AP1G1: variants seen among roughly 807,000 people sequenced by gnomAD.
The protein encoded by AP1G1 is AP-1 complex subunit gamma-1.
In AP1G1, 7 loss-of-function variants were observed where a neutral mutation model predicts 108.3. The observed-to-expected ratio is 0.06, with a 90% confidence interval of 0.04 to 0.12. The LOEUF (loss-of-function observed/expected upper bound fraction) is 0.12, where lower values mean the gene tolerates loss of function less well. Ranked by LOEUF, AP1G1 falls within the 10% of genes least tolerant of loss-of-function variation. The pLI is 1.00. For missense variants in AP1G1, 756 were observed against 1,010.7 expected (o/e 0.75, Z 3.42); for synonymous variants, 379 against 353.5 (o/e 1.07, Z -0.81).
chr16:71,785,131 T>C (rs942388324), intron 2 of AP1G1, among the ~76,000 whole-genome samples: 4 of 151,836 alleles, frequency 2.6e-5, no homozygotes, highest in Non-Finnish European at 5.9e-5. Flanking sequence ...ACTTTACACT[T>C]ACAGCACATC....
intron 2 of AP1G1, among the ~76,000 whole-genome samples, chr16:71,782,383 C>T (rs957519995): frequency 5.3e-5 from 8 of 151,758 alleles, no homozygotes; most frequent in Admixed American, 5.3e-4. Flanking sequence ...AGGCTGGTCT[C>T]GAACTCCTGA....
Position 71,731,476 on chromosome 16 carries a change from T to C in AP1G1, c.*1582A>G, listed in dbSNP as rs529531951. 1.3e-5 allele frequency: 2 copies of C among 152,654 alleles called. No homozygotes were observed. The highest frequency in any genetic ancestry group is 2.1e-4 in the South Asian group (1 of 4,828). The allele number at this position is 152,654 out of a possible 1,614,324, so 9.5% of individuals were successfully genotyped here. A position where few individuals can be genotyped will look rare whatever the true frequency, so the allele number is the denominator to read the frequency against. ...TTTAAGATTGAAGCCATAGTAGTCATTATACTGTATTCAATACAGTAACAA... is the reference window on the plus strand; with the variant it reads ...TTTAAGATTGAAGCCATAGTAGTCACTATACTGTATTCAATACAGTAACAA... On this transcript the variant is annotated 3_prime_UTR_variant, in exon 23 of 23. Coordinates refer to ENST00000299980, the MANE Select transcript of AP1G1 (RefSeq NM_001128.6).
intron 6 of AP1G1, chr16:71,767,917 AG>A (rs755771392): frequency 2.5e-6 from 4 of 1,598,032 alleles, no homozygotes; most frequent in Non-Finnish European, 3.4e-6. Context: ...AACAGACAAC[AG>A]GAACAAAACA....
intron 15 of AP1G1, 101 bp from the exon 16 acceptor site, chr16:71,748,479 T>C: frequency 1.5e-6 from 2 of 1,334,888 alleles, no homozygotes; most frequent in Non-Finnish European, 2.0e-6. Context: ...AAGACAATCC[T>C]ACCGTTACAA....
intron 21 of AP1G1, among the ~76,000 whole-genome samples, chr16:71,737,575 G>A (rs1187305646): frequency 2.6e-5 from 4 of 152,228 alleles, no homozygotes; most frequent in African/African-American, 4.8e-5. Flanking sequence ...GTGAGATACC[G>A]TGTCCAGCTA....
intron 10 of AP1G1, among the ~76,000 whole-genome samples, chr16:71,759,225 G>A (rs968376844): frequency 6.6e-6 from 1 of 151,782 alleles, no homozygotes; most frequent in African/African-American, 2.4e-5. Flanking sequence ...GTGGGAGGCC[G>A]AGGCAGGTGG....
chr16:71,734,809 G>C (rs2045513649), intron 21 of AP1G1, 102 bp from the exon 22 acceptor site: 8 of 889,210 alleles, frequency 9.0e-6, no homozygotes, highest in Non-Finnish European at 1.5e-5. Context: ...TCAAGCAACA[G>C]ATTTCACTAC....
intron 21 of AP1G1, among the ~76,000 whole-genome samples, chr16:71,737,673 A>T (rs1205801921): frequency 2.0e-5 from 3 of 152,236 alleles, no homozygotes; most frequent in Non-Finnish European, 4.4e-5. Context: ...GGGAAAAAAT[A>T]AAAAAAGACT....
In AP1G1 at chr16:71,732,164, G is replaced by A. The variant is rs2045481183; in HGVS notation, c.*894C>T. 6.6e-6 allele frequency: 1 copy of A among 152,224 alleles called. No homozygotes were observed. Among genetic ancestry groups the A allele is most frequent in the African/African-American group, 2.4e-5 (1 of 41,438 alleles). The allele number at this position is 152,224 out of a possible 1,614,324, so 9.4% of individuals were successfully genotyped here. A position where few individuals can be genotyped will look rare whatever the true frequency, so the allele number is the denominator to read the frequency against. ...GCTTAGGAGCACTTTAAAATTTGTG[G>A]TGGGAATAGGGTCATTAATAACTAT... is the stretch of plus-strand genomic sequence containing the variant. On this transcript the variant is annotated 3_prime_UTR_variant, in exon 23 of 23. Coordinates refer to ENST00000299980, the MANE Select transcript of AP1G1 (RefSeq NM_001128.6).
intron 6 of AP1G1, among the ~76,000 whole-genome samples, chr16:71,769,176 G>A (rs1229950026): frequency 6.6e-6 from 1 of 151,402 alleles, no homozygotes; most frequent in African/African-American, 2.4e-5. Flanking sequence ...CCAGCTACAA[G>A]GAAGGCTGAG....
Position 71,789,263 on chromosome 16 carries a change from T to A in AP1G1, c.201+16A>T, listed in dbSNP as rs376266464. ...CAAAGAATACCCTTGCTACATGTAG[T>A]CTCAGCCCAGCCTACCTGTCCAAAG... is the stretch of plus-strand genomic sequence containing the variant. On this transcript the variant is annotated intron_variant, in intron 2 of 22. Coordinates refer to ENST00000299980, the MANE Select transcript of AP1G1 (RefSeq NM_001128.6). 8.7e-6 allele frequency: 14 copies of A among 1,607,388 alleles called. No homozygotes were observed. The African/African-American group carries it at 1.3e-4, about 15-fold the overall frequency.
chr16:71,774,798 G>A (rs1156873748), intron 2 of AP1G1, among the ~76,000 whole-genome samples: 1 of 151,580 alleles, frequency 6.6e-6, no homozygotes, highest in Non-Finnish European at 1.5e-5. Flanking sequence ...TCGGCTCACT[G>A]CAACCTCTGC....
chr16:71,798,220 G>A (rs989951960), intron 1 of AP1G1, among the ~76,000 whole-genome samples: 1 of 151,722 alleles, frequency 6.6e-6, no homozygotes, highest in African/African-American at 2.4e-5. Context: ...CAAGGTGGGA[G>A]GATCACTTGA....
intron 1 of AP1G1, among the ~76,000 whole-genome samples, chr16:71,795,520 T>C (rs2142268369): frequency 6.6e-6 from 1 of 152,324 alleles, no homozygotes; most frequent in Non-Finnish European, 1.5e-5. Context: ...GAAGTTACCA[T>C]GCTTTCCCTC....
chr16:71,746,405 A>G (rs1463730613), intron 17 of AP1G1, among the ~76,000 whole-genome samples, 183 bp downstream of exon 17: 4 of 152,250 alleles, frequency 2.6e-5, no homozygotes, highest in Non-Finnish European at 5.9e-5. Flanking sequence ...GAGTTAATTT[A>G]TTTCTTTAGA....
chr16:71,783,325 A>G lies in AP1G1; in HGVS notation c.201+5954T>C, dbSNP rs536247159. Among the ~76,000 whole-genome samples the G allele has an allele frequency of 8.5e-5, 13 of 152,342 alleles. No individual in the cohort carries two copies. In the South Asian group the frequency reaches 2.7e-3, roughly 32 times the overall value. The stretch of plus-strand genomic sequence containing the variant: ...ATAGTAGTATTGACTACATGGAAAC[A>G]ATGACGTCCACAGAGACTCTTAGAA... On this transcript the variant is annotated intron_variant, in intron 2 of 22. Coordinates refer to ENST00000299980, the MANE Select transcript of AP1G1 (RefSeq NM_001128.6).
chr16:71,750,543 T>C (rs528201959), intron 13 of AP1G1: 10 of 455,230 alleles, frequency 2.2e-5, no homozygotes, highest in African/African-American at 2.0e-4. Flanking sequence ...GCCTCCCAAG[T>C]AGCTGGGACT....
intron 1 of AP1G1, among the ~76,000 whole-genome samples, chr16:71,799,056 T>C (rs1414362252): frequency 2.0e-5 from 3 of 152,068 alleles, no homozygotes; most frequent in East Asian, 1.9e-4. Context: ...ATGGCTATTA[T>C]ACGTATCAAA....
At chr16:71,787,873 C>T (rs185277260) in intron 2 of AP1G1, among the ~76,000 whole-genome samples, 1 of 152,264 alleles carries the variant, frequency 6.6e-6, no homozygotes, top group South Asian at 2.1e-4. Context: ...AGAAACTATT[C>T]ATGTGAAAGA....
Sources: gnomAD v4.1 joint callset for allele counts (sites outside exome capture counted in the v4.1 genomes callset) on GRCh38, gnomAD v4.1.1 for gene constraint, MANE v1.5 for transcripts, NCBI Gene and HGNC (gene_info 2026-07-23, HGNC 2026-07-21) for gene names.